The following NCOA2 variants were observed in gnomAD, a reference collection of about 807,000 sequenced individuals.
The protein encoded by NCOA2 is nuclear receptor coactivator 2, also known as class E basic helix-loop-helix protein 75.
A neutral mutation model predicts 145.1 loss-of-function variants in NCOA2; 21 were observed. The ratio of observed to expected loss-of-function variants is 0.14; its 90% CI spans 0.10 to 0.21. The LOEUF (loss-of-function observed/expected upper bound fraction) is 0.21. Ranked by LOEUF, NCOA2 falls within the 10% of genes least tolerant of loss-of-function variation. The pLI is 1.00. For missense variants in NCOA2, 1,472 were observed against 1,837.6 expected, an observed-to-expected ratio of 0.80 and a Z score of 3.64; for synonymous variants, 619 against 637.5, an observed-to-expected ratio of 0.97 and a Z score of 0.44.
At chr8:70,442,592 G>A in the NCOA2 span, among the ~76,000 whole-genome samples, 7 of 152,140 alleles carry the variant, frequency 4.6e-5, no homozygotes, top group Non-Finnish European at 8.8e-5. Flanking sequence ...AATAGCACAC[G>A]CCTAATTGTG....
the NCOA2 span, among the ~76,000 whole-genome samples, chr8:70,432,038 T>G: frequency 6.6e-6 from 1 of 152,254 alleles, no homozygotes; most frequent in East Asian, 1.9e-4. Flanking sequence ...GCACACAAAA[T>G]TAGGGAGGAC....
At chr8:70,188,130 T>C (rs1019338190) in intron 4 of NCOA2, among the ~76,000 whole-genome samples, 1 of 152,236 alleles carries the variant, frequency 6.6e-6, no homozygotes, top group Admixed American at 6.5e-5. Flanking sequence ...CTTTTTTTTG[T>C]AGACTGATAG....
rs1563782941 is a variant in NCOA2 at position 70,341,081 on chromosome 8, T to TAAAAAAAA, written c.-76-44282_-76-44281insTTTTTTTT. Among the ~76,000 whole-genome samples, 495 of 95,974 alleles carry TAAAAAAAA rather than the reference T, an allele frequency of 5.2e-3. 6 individuals carry two copies. Among genetic ancestry groups the TAAAAAAAA allele is most frequent in the African/African-American group, 0.029 (479 of 16,778 alleles). 63.0% of individuals were successfully genotyped at this position (95,974 alleles called of 152,430 possible). A position where few individuals can be genotyped will look rare whatever the true frequency, so the allele number is the denominator to read the frequency against. ...ATGTGTACCCCTGAACTTAAAAAGT[T>TAAAAAAAA]GAAAAAAAAAAAAAAAGAAACAAAT... On this transcript the variant is annotated intron_variant, in intron 1 of 22. Coordinates refer to ENST00000452400, the MANE Select transcript of NCOA2 (RefSeq NM_006540.4).
chr8:70,446,879 C>T, the NCOA2 span, among the ~76,000 whole-genome samples: 7 of 152,184 alleles, frequency 4.6e-5, no homozygotes, highest in African/African-American at 1.7e-4. Context: ...AAACTATGCA[C>T]AAAATGCAAC....
At chr8:70,273,466 C>A (rs907317924) in intron 2 of NCOA2, 2 of 629,282 alleles carry the variant, frequency 3.2e-6, no homozygotes, top group Non-Finnish European at 5.5e-6. Flanking sequence ...AGGTGGTTCA[C>A]AGAACAGCCA....
At chr8:70,123,374 C>T (rs947926242) in intron 21 of NCOA2, among the ~76,000 whole-genome samples, 6 of 152,042 alleles carry the variant, frequency 3.9e-5, no homozygotes, top group African/African-American at 1.2e-4. Flanking sequence ...ATCCTCTAGC[C>T]GGGCACGGTA....
chr8:70,208,040 T>C (rs1818643856), intron 4 of NCOA2, among the ~76,000 whole-genome samples: 4 of 151,790 alleles, frequency 2.6e-5, no homozygotes, highest in Admixed American at 2.6e-4. Flanking sequence ...CTCTTGAGCT[T>C]AAGAGTTCGA....
chr8:70,211,699 T>C (rs7818867), intron 4 of NCOA2, among the ~76,000 whole-genome samples: 12,909 of 152,276 alleles, frequency 0.085, 691 homozygotes, highest in Non-Finnish European at 0.13. Flanking sequence ...AGCTCCTGTC[T>C]GATTCAATTC....
chr8:70,255,306 T>G (rs1823543484), intron 2 of NCOA2, among the ~76,000 whole-genome samples: 1 of 151,988 alleles, frequency 6.6e-6, no homozygotes, highest in Non-Finnish European at 1.5e-5. Flanking sequence ...TTGCCAAACT[T>G]AAAAAACAGG....
the NCOA2 span, among the ~76,000 whole-genome samples, chr8:70,439,382 C>A: frequency 6.6e-6 from 1 of 152,096 alleles, no homozygotes; most frequent in Non-Finnish European, 1.5e-5. Context: ...GAAGGAGGAA[C>A]AGGGAAAACC....
chr8:70,402,336 G>A (rs1028256147), intron 1 of NCOA2: 1 of 152,358 alleles, frequency 6.6e-6, no homozygotes, highest in Non-Finnish European at 1.5e-5. Context: ...GTTTGGGAAA[G>A]TTTCCCCTAC....
chr8:70,182,560 T>C (rs944327620), intron 4 of NCOA2, among the ~76,000 whole-genome samples: 3 of 152,208 alleles, frequency 2.0e-5, no homozygotes, highest in Non-Finnish European at 2.9e-5. Flanking sequence ...GCTTTGAGTA[T>C]AGACAGAATA....
At chr8:70,124,135 G>T in intron 20 of NCOA2, 53 bp from the exon 21 acceptor site, 1 of 1,545,838 alleles carries the variant, frequency 6.5e-7, no homozygotes. Flanking sequence ...GGTATCCAGA[G>T]GCAGGCAGCT....
chr8:70,247,872 T>C (rs1586242621), intron 2 of NCOA2, among the ~76,000 whole-genome samples: 1 of 152,340 alleles, frequency 6.6e-6, no homozygotes, highest in East Asian at 1.9e-4. Context: ...AAGTAAAATG[T>C]CTTGATCCAG....
At chr8:70,226,915 A>G (rs1238827648) in intron 2 of NCOA2, among the ~76,000 whole-genome samples, 1 of 152,200 alleles carries the variant, frequency 6.6e-6, no homozygotes, top group Non-Finnish European at 1.5e-5. Flanking sequence ...AATCTGGTCT[A>G]TCCTTCCAAA....
the NCOA2 span, among the ~76,000 whole-genome samples, chr8:70,447,729 G>A: frequency 7.4e-6 from 1 of 134,820 alleles, no homozygotes; most frequent in African/African-American, 3.0e-5. Context: ...CTGTCACCCA[G>A]GCTGGAGTGC....
chr8:70,400,224 T>C (rs1037926550), intron 1 of NCOA2, among the ~76,000 whole-genome samples: 1 of 152,184 alleles, frequency 6.6e-6, no homozygotes, highest in Non-Finnish European at 1.5e-5. Flanking sequence ...GCTCCTTTTC[T>C]ACCCTCCTGC....
chr8:70,224,594 A>G (rs1015231987), intron 2 of NCOA2, among the ~76,000 whole-genome samples: 1 of 152,078 alleles, frequency 6.6e-6, no homozygotes, highest in Non-Finnish European at 1.5e-5. Context: ...TAGATTTCTT[A>G]AAAGTGCTTA....
intron 1 of NCOA2, among the ~76,000 whole-genome samples, chr8:70,302,226 A>G (rs1310398667): frequency 6.6e-6 from 1 of 152,180 alleles, no homozygotes. Context: ...AATTTTAATA[A>G]AATAGTAAAA....
Sources: allele counts gnomAD v4.1 joint callset (sites outside exome capture counted in the v4.1 genomes callset), GRCh38; gene constraint gnomAD v4.1.1; transcripts MANE v1.5; gene names NCBI Gene and HGNC (gene_info 2026-07-23, HGNC 2026-07-21).